The following HCN1 variants were observed in gnomAD, a reference collection of about 807,000 sequenced individuals.
HCN1 encodes the protein hyperpolarization activated cyclic nucleotide gated potassium channel 1.
A neutral mutation model predicts 78.9 loss-of-function variants in HCN1; 13 were observed. The ratio of observed to expected loss-of-function variants is 0.16; its 90% CI spans 0.11 to 0.26. The LOEUF is 0.26. Ranked by LOEUF, HCN1 falls within the 10% of genes least tolerant of loss-of-function variation. The pLI is 1.00. For missense variants in HCN1, 810 were observed against 1,154.3 expected (o/e 0.70, Z 4.32); for synonymous variants, 552 against 455.5 (o/e 1.21, Z -2.70).
At position 45,303,978 on chromosome 5, in the gene HCN1, C is replaced by G. The variant is rs929362470; in HGVS notation, c.1378-139G>C. On this transcript the variant is annotated intron_variant, in intron 5 of 7. Coordinates refer to ENST00000303230, the MANE Select transcript of HCN1 (RefSeq NM_021072.4). ...CAAAAATTCATAAATTCTAGTAATGCGCATCATATTACAGTCAGGATTATG... is the reference window on the plus strand; with the variant it reads ...CAAAAATTCATAAATTCTAGTAATGGGCATCATATTACAGTCAGGATTATG... The G allele has an allele frequency of 6.3e-6, 5 of 789,876 alleles. No individual in the cohort carries two copies. In the Admixed American group the frequency reaches 8.9e-5, roughly 14 times the overall value. The allele number at this position is 789,876 out of a possible 1,614,324, so 48.9% of individuals were successfully genotyped here. A position where few individuals can be genotyped will look rare whatever the true frequency, so the allele number is the denominator to read the frequency against.
chr5:45,472,023 C>G (rs769240806), intron 2 of HCN1, among the ~76,000 whole-genome samples: 1 of 151,884 alleles, frequency 6.6e-6, no homozygotes, highest in Non-Finnish European at 1.5e-5. Context: ...GAAATCTTTA[C>G]GAAGCCCATA....
chr5:45,448,699 A>C (rs540893564), intron 3 of HCN1, among the ~76,000 whole-genome samples: 8 of 152,182 alleles, frequency 5.3e-5, no homozygotes, highest in Non-Finnish European at 8.8e-5. Context: ...GCTACCTGAA[A>C]TTATTCTATT....
At chr5:45,595,336 A>C (rs1262654865) in intron 2 of HCN1, among the ~76,000 whole-genome samples, 3 of 152,100 alleles carry the variant, frequency 2.0e-5, no homozygotes, top group African/African-American at 7.2e-5. Flanking sequence ...TGATGCTCAA[A>C]CACCCTGTTT....
intron 5 of HCN1, among the ~76,000 whole-genome samples, chr5:45,352,285 G>T (rs62367550): frequency 0.059 from 8,957 of 151,116 alleles, 381 homozygotes; most frequent in East Asian, 0.13. Flanking sequence ...ACAAAAAATC[G>T]AACACCGCAT....
intron 5 of HCN1, among the ~76,000 whole-genome samples, chr5:45,349,541 A>C (rs1746837739): frequency 6.6e-6 from 1 of 152,164 alleles, no homozygotes; most frequent in African/African-American, 2.4e-5. Context: ...AACTGAAGGA[A>C]ATAGAGACAC....
intron 4 of HCN1, among the ~76,000 whole-genome samples, chr5:45,364,066 C>T (rs960427731): frequency 2.6e-5 from 4 of 152,044 alleles, no homozygotes; most frequent in African/African-American, 9.7e-5. Context: ...AAACTGAGCC[C>T]TTCCTCCTAA....
intron 2 of HCN1, among the ~76,000 whole-genome samples, chr5:45,498,406 G>A (rs1457847945): frequency 6.6e-6 from 1 of 152,064 alleles, no homozygotes; most frequent in African/African-American, 2.4e-5. Flanking sequence ...CATTCTTCAT[G>A]TAGTTCTCGA....
chr5:45,582,607 A>T (rs1744105344), intron 2 of HCN1, among the ~76,000 whole-genome samples: 1 of 152,190 alleles, frequency 6.6e-6, no homozygotes, highest in Admixed American at 6.5e-5. Flanking sequence ...GCAGTTTTCA[A>T]AGGGAATACT....
At chr5:45,350,629 T>C (rs1347827651) in intron 5 of HCN1, among the ~76,000 whole-genome samples, 6 of 151,212 alleles carry the variant, frequency 4.0e-5, no homozygotes, top group Non-Finnish European at 5.9e-5. Flanking sequence ...GAAAACCCCA[T>C]TGTCTCAGCC....
At chr5:45,494,852 A>T (rs1477139164) in intron 2 of HCN1, among the ~76,000 whole-genome samples, 1 of 152,212 alleles carries the variant, frequency 6.6e-6, no homozygotes, top group East Asian at 1.9e-4. Context: ...TTTATTAAAT[A>T]GGGAATTCTT....
chr5:45,556,291 T>A (rs1248550621), intron 2 of HCN1, among the ~76,000 whole-genome samples: 1 of 151,690 alleles, frequency 6.6e-6, no homozygotes, highest in African/African-American at 2.4e-5. Context: ...AATGGGAGAA[T>A]CTATCCTTCA....
rs541763388 is a variant in HCN1 at position 45,548,652 on chromosome 5, C to T, written c.850-86645G>A. 2.3e-3 allele frequency among the ~76,000 whole-genome samples: 352 copies of T among 152,152 alleles called. 4 individuals are homozygous for T. The highest frequency in any genetic ancestry group is 0.017 in the Admixed American group (265 of 15,234). On this transcript the variant is annotated intron_variant, in intron 2 of 7. Coordinates refer to ENST00000303230, the MANE Select transcript of HCN1 (RefSeq NM_021072.4). ...TGTTGGAAGTTCTGGCCAGGGCTATCAGGCAAGAGAAGGAAATAAAGGGTA... is the reference window on the plus strand; with the variant it reads ...TGTTGGAAGTTCTGGCCAGGGCTATTAGGCAAGAGAAGGAAATAAAGGGTA...
chr5:45,584,844 T>G (rs1459925251), intron 2 of HCN1, among the ~76,000 whole-genome samples: 1 of 152,136 alleles, frequency 6.6e-6, no homozygotes, highest in African/African-American at 2.4e-5. Context: ...CTTTAAGAAG[T>G]TTGAATATTG....
intron 1 of HCN1, among the ~76,000 whole-genome samples, chr5:45,692,160 T>C (rs1453321965): frequency 1.1e-4 from 17 of 152,194 alleles, no homozygotes; most frequent in Admixed American, 1.1e-3. Flanking sequence ...ATAAATTGCT[T>C]GCATAATAAA....
At chr5:45,313,787 T>C (rs887703997) in intron 5 of HCN1, among the ~76,000 whole-genome samples, 4 of 152,010 alleles carry the variant, frequency 2.6e-5, no homozygotes, top group African/African-American at 9.7e-5. Context: ...ATCAAATTAA[T>C]GAAATGAAGT....
At chr5:45,301,486 A>G (rs1377103755) in intron 6 of HCN1, among the ~76,000 whole-genome samples, 1 of 151,810 alleles carries the variant, frequency 6.6e-6, no homozygotes, top group East Asian at 1.9e-4. Context: ...TGGGAAGTCA[A>G]GGGAGGAGGA....
chr5:45,689,943 T>C (rs1739875138), intron 1 of HCN1, among the ~76,000 whole-genome samples: 1 of 152,118 alleles, frequency 6.6e-6, no homozygotes, highest in Non-Finnish European at 1.5e-5. Context: ...ATTCGTGTCA[T>C]TTTAAGAAAT....
At chr5:45,682,492 G>C (rs1347875410) in intron 1 of HCN1, among the ~76,000 whole-genome samples, 1 of 151,648 alleles carries the variant, frequency 6.6e-6, no homozygotes, top group Non-Finnish European at 1.5e-5. Flanking sequence ...AAGGTTGTTG[G>C]AAATTATATA....
chr5:45,266,016 CA>C (rs894565656), intron 7 of HCN1, among the ~76,000 whole-genome samples: 1 of 151,052 alleles, frequency 6.6e-6, no homozygotes, highest in Non-Finnish European at 1.5e-5. Flanking sequence ...TCGAGCTGAC[CA>C]AAAAAAAGTA....
Sources: gnomAD v4.1 joint callset for allele counts (sites outside exome capture counted in the v4.1 genomes callset) on GRCh38, gnomAD v4.1.1 for gene constraint, MANE v1.5 for transcripts, NCBI Gene and HGNC (gene_info 2026-07-23, HGNC 2026-07-21) for gene names.